The following ZC3H12B variants were observed in gnomAD, a reference collection of about 807,000 sequenced individuals.
ZC3H12B encodes the protein zinc finger CCCH-type containing 12B.
In ZC3H12B, 7 loss-of-function variants were observed where a neutral mutation model predicts 43.9. The observed-to-expected ratio is 0.16, with a 90% CI of 0.09 to 0.30. The LOEUF (loss-of-function observed/expected upper bound fraction) is 0.30. ZC3H12B is among the 10% of genes least tolerant of loss of function. The pLI is 1.00. For missense variants in ZC3H12B, 475 were observed against 670.2 expected (o/e 0.71, Z 3.22); for synonymous variants, 222 against 241.7 (o/e 0.92, Z 0.76).
At chrX:65,137,588 C>T in the ZC3H12B span, among the ~76,000 whole-genome samples, 1 of 111,856 alleles carries the variant, frequency 8.9e-6, no homozygotes, top group Non-Finnish European at 1.9e-5. Flanking sequence ...ATTATAAAAA[C>T]AATGGATCAA....
chrX:65,379,623 C>A (rs1167803311), intron 2 of ZC3H12B, among the ~76,000 whole-genome samples: 1 of 112,615 alleles, frequency 8.9e-6, no homozygotes, highest in Non-Finnish European at 1.9e-5. Flanking sequence ...CTTTGAAGAG[C>A]TGAGAGAAGA....
the ZC3H12B span, among the ~76,000 whole-genome samples, chrX:65,261,417 G>A: frequency 9.0e-6 from 1 of 111,102 alleles, no homozygotes; most frequent in African/African-American, 3.3e-5. Flanking sequence ...TGGCAGCGTA[G>A]CATCAAAGTA....
intron 2 of ZC3H12B, among the ~76,000 whole-genome samples, chrX:65,376,627 C>G (rs952976662): frequency 1.8e-5 from 2 of 111,757 alleles, no homozygotes; most frequent in Non-Finnish European, 3.8e-5. Flanking sequence ...AGCGTTTCTG[C>G]CTTAATACAT....
the ZC3H12B span, among the ~76,000 whole-genome samples, chrX:65,279,575 A>T: frequency 9.0e-6 from 1 of 111,456 alleles, no homozygotes; most frequent in African/African-American, 3.3e-5. Flanking sequence ...TCAACTCAAG[A>T]TGGATTAAAG....
At chrX:65,094,897 C>T in the ZC3H12B span, among the ~76,000 whole-genome samples, 3 of 111,711 alleles carry the variant, frequency 2.7e-5, no homozygotes, top group Admixed American at 2.9e-4. Context: ...CCAATGTAGC[C>T]ATTTTACTTA....
rs1374252419 is a variant in ZC3H12B, at chrX:65,502,255, G to T, written c.1557G>T (p.Leu519Phe). ...CCAGCATGCAGTATCCTCCCATCTT[G>T]GTTACCAACAGCCATGGGACCCCTA... The change falls in exon 5 of 5, where the codon TTG becomes TTT. Residue 519 changes from leucine to phenylalanine, a missense_variant. Coordinates refer to ENST00000338957, the Ensembl canonical transcript of ZC3H12B. 4 of 1,211,207 alleles carry T rather than the reference G, an allele frequency of 3.3e-6. No homozygotes were observed. In the East Asian group the frequency reaches 1.2e-4, roughly 36 times the overall value.
At chrX:65,336,719 G>T in the ZC3H12B span, among the ~76,000 whole-genome samples, 1 of 112,012 alleles carries the variant, frequency 8.9e-6, no homozygotes, top group Non-Finnish European at 1.9e-5. Flanking sequence ...AGGGAGGCCA[G>T]AGAAAGGCCC....
At chrX:65,499,391 C>A in intron 3 of ZC3H12B, 158 bp downstream of exon 8, 1 of 438,839 alleles carries the variant, frequency 2.3e-6, no homozygotes, top group Non-Finnish European at 3.9e-6. Flanking sequence ...TTAAGAGACT[C>A]AAAGTGTAGT....
At chrX:65,202,431 C>T in the ZC3H12B span, among the ~76,000 whole-genome samples, 1 of 108,484 alleles carries the variant, frequency 9.2e-6, no homozygotes, top group Non-Finnish European at 1.9e-5. Flanking sequence ...AGGTTTTGGT[C>T]ATTGCAGCAT....
chrX:65,113,985 G>GCATATA, the ZC3H12B span, among the ~76,000 whole-genome samples: 1 of 47,483 alleles, frequency 2.1e-5, no homozygotes, highest in South Asian at 2.8e-3. Flanking sequence ...AGATATGCTT[G>GCATATA]TATATATATA....
the ZC3H12B span, among the ~76,000 whole-genome samples, chrX:65,099,471 G>A: frequency 9.0e-6 from 1 of 111,639 alleles, no homozygotes; most frequent in African/African-American, 3.3e-5. Context: ...ACCTCATACA[G>A]GAGAGCTCTG....
chrX:65,078,647 T>C, the ZC3H12B span, among the ~76,000 whole-genome samples: 1 of 111,531 alleles, frequency 9.0e-6, no homozygotes, highest in South Asian at 3.8e-4. Flanking sequence ...AAATCAAAGA[T>C]TGATTGAAGT....
the ZC3H12B span, among the ~76,000 whole-genome samples, chrX:65,061,566 T>C: frequency 8.9e-6 from 1 of 112,423 alleles, no homozygotes; most frequent in Non-Finnish European, 1.9e-5. Flanking sequence ...CAGTCTATCA[T>C]TGATGGGCAT....
At chrX:65,074,555 T>A in the ZC3H12B span, among the ~76,000 whole-genome samples, 1 of 112,202 alleles carries the variant, frequency 8.9e-6, no homozygotes, top group African/African-American at 3.2e-5. Context: ...TTTAAATAAA[T>A]GTTTGTCCCT....
chrX:65,354,892 G>T, the ZC3H12B span, among the ~76,000 whole-genome samples: 7 of 111,584 alleles, frequency 6.3e-5, no homozygotes, highest in Admixed American at 6.7e-4. Context: ...ATGAAATAAA[G>T]CTTGAAGACA....
the ZC3H12B span, among the ~76,000 whole-genome samples, chrX:65,309,850 C>A: frequency 2.7e-5 from 3 of 111,963 alleles, no homozygotes; most frequent in African/African-American, 9.7e-5. Context: ...TCAACATAAG[C>A]AAATCAATAA....
chrX:65,072,744 C>A, the ZC3H12B span, among the ~76,000 whole-genome samples: 1 of 112,063 alleles, frequency 8.9e-6, no homozygotes, highest in African/African-American at 3.2e-5. Flanking sequence ...GCAGCAGTGG[C>A]AGCAGCAACA....
the ZC3H12B span, among the ~76,000 whole-genome samples, chrX:65,342,837 C>CAAA: frequency 3.6e-5 from 2 of 55,562 alleles, no homozygotes; most frequent in African/African-American, 9.5e-5. Flanking sequence ...GAGACTGAGA[C>CAAA]AAAAAAAAAA....
chrX:65,132,341 C>T, the ZC3H12B span, among the ~76,000 whole-genome samples: 1 of 111,124 alleles, frequency 9.0e-6, no homozygotes, highest in African/African-American at 3.3e-5. Flanking sequence ...CATGCTGTAG[C>T]AGGTGAGTGA....
Sources: allele counts gnomAD v4.1 joint callset (sites outside exome capture counted in the v4.1 genomes callset), GRCh38; gene constraint gnomAD v4.1.1; transcripts MANE v1.5; gene names NCBI Gene and HGNC (gene_info 2026-07-23, HGNC 2026-07-21).